Variants in AFF3 observed in about 807,000 individuals in gnomAD.
AFF3 encodes the protein AF4/FMR2 family member 3.
In AFF3, 32 loss-of-function variants were observed where a neutral mutation model predicts 129.7. That is an observed-to-expected ratio of 0.25 (90% CI 0.19 to 0.33). AFF3 has a LOEUF of 0.33. Ranked by LOEUF, AFF3 falls within the 10% of genes least tolerant of loss-of-function variation. AFF3 has a pLI of 1.00. For synonymous variants in AFF3, 644 were observed against 635.4 expected, an observed-to-expected ratio of 1.01 and a Z score of -0.20; for missense variants, 1,373 against 1,592.0, an observed-to-expected ratio of 0.86 and a Z score of 2.34.
chr2:99,714,614 A>T (rs1296439231), intron 11 of AFF3, among the ~76,000 whole-genome samples: 2 of 152,230 alleles, frequency 1.3e-5, no homozygotes, highest in African/African-American at 2.4e-5. Flanking sequence ...GAGCCAAAAT[A>T]AGTATCAGGA....
intron 12 of AFF3, among the ~76,000 whole-genome samples, chr2:99,669,790 T>C (rs1156295439): frequency 1.3e-5 from 2 of 152,200 alleles, no homozygotes; most frequent in Non-Finnish European, 2.9e-5. Context: ...GCCAACATGG[T>C]GAAACCCCGT....
intron 7 of AFF3, among the ~76,000 whole-genome samples, chr2:99,913,063 A>T (rs757125015): frequency 3.7e-4 from 57 of 152,230 alleles, no homozygotes; most frequent in African/African-American, 1.3e-3. Context: ...CCACTGTGAC[A>T]AAACCAATTC....
chr2:99,911,390 GA>G (rs34700536), intron 7 of AFF3, among the ~76,000 whole-genome samples: 577 of 128,140 alleles, frequency 4.5e-3, no homozygotes, highest in Non-Finnish European at 5.5e-3. Context: ...TTCATCTCTG[GA>G]AAAAAAAAAA....
chr2:99,920,786 G>GA (rs888110704), intron 7 of AFF3, among the ~76,000 whole-genome samples: 7 of 151,816 alleles, frequency 4.6e-5, no homozygotes, highest in Admixed American at 3.9e-4. Context: ...TAAAAAATCT[G>GA]AAAAAATCTA....
chr2:99,867,815 A>G (rs1691542659), intron 7 of AFF3, among the ~76,000 whole-genome samples: 3 of 152,030 alleles, frequency 2.0e-5, no homozygotes, highest in African/African-American at 7.2e-5. Context: ...AGCCAGGATA[A>G]CCTCTCTGGC....
intron 4 of AFF3, among the ~76,000 whole-genome samples, chr2:100,086,585 G>GT (rs1166265443): frequency 6.6e-6 from 1 of 152,182 alleles, no homozygotes; most frequent in African/African-American, 2.4e-5. Flanking sequence ...TGAGAAGAAC[G>GT]TATCATGGAT....
intron 7 of AFF3, among the ~76,000 whole-genome samples, chr2:99,892,876 A>G (rs1372608572): frequency 6.6e-6 from 1 of 152,178 alleles, no homozygotes; most frequent in Non-Finnish European, 1.5e-5. Context: ...ATTGTGGAGA[A>G]TAATTCTAAG....
intron 11 of AFF3, among the ~76,000 whole-genome samples, chr2:99,705,880 A>G (rs1677316928): frequency 6.6e-6 from 1 of 150,630 alleles, no homozygotes; most frequent in African/African-American, 2.4e-5. Context: ...GCCTCAAAAA[A>G]AAAAAAAAAA....
intron 8 of AFF3, among the ~76,000 whole-genome samples, chr2:99,777,153 A>G (rs2105355889): frequency 6.6e-6 from 1 of 152,320 alleles, no homozygotes; most frequent in South Asian, 2.1e-4. Context: ...GTGCCACACA[A>G]AGCAGGCAGG....
At chr2:99,990,371 G>A (rs1680233159) in intron 7 of AFF3, among the ~76,000 whole-genome samples, 1 of 152,142 alleles carries the variant, frequency 6.6e-6, no homozygotes, top group Admixed American at 6.5e-5. Flanking sequence ...ACAACAATGT[G>A]AACAGAGTGA....
At chr2:99,864,566 G>C (rs1380169971) in intron 7 of AFF3, among the ~76,000 whole-genome samples, 1 of 152,182 alleles carries the variant, frequency 6.6e-6, no homozygotes, top group Non-Finnish European at 1.5e-5. Context: ...AAGGCCTCAT[G>C]ACCAGCCATT....
chr2:99,773,466 G>A (rs958767533), intron 8 of AFF3, among the ~76,000 whole-genome samples: 4 of 151,630 alleles, frequency 2.6e-5, no homozygotes, highest in African/African-American at 9.7e-5. Context: ...AATGCTTGGA[G>A]TGCTCAAACG....
At chr2:99,816,968 T>C (rs779385255) in intron 8 of AFF3, among the ~76,000 whole-genome samples, 8 of 152,192 alleles carry the variant, frequency 5.3e-5, no homozygotes, top group Non-Finnish European at 1.0e-4. Flanking sequence ...TGACAGGGAA[T>C]ATGATTCTGA....
chr2:99,920,044 A>G (rs77902574), intron 7 of AFF3, among the ~76,000 whole-genome samples: 38 of 152,240 alleles, frequency 2.5e-4, no homozygotes, highest in Admixed American at 2.1e-3. Flanking sequence ...AAATAACTCT[A>G]TATCTGTTTA....
At chr2:100,074,589 T>A (rs922465677) in intron 4 of AFF3, among the ~76,000 whole-genome samples, 3 of 152,206 alleles carry the variant, frequency 2.0e-5, no homozygotes, top group African/African-American at 7.2e-5. Context: ...GGTCAACATA[T>A]CCCAGCACTG....
At chr2:99,921,943 A>G (rs931080238) in intron 7 of AFF3, among the ~76,000 whole-genome samples, 20 of 152,204 alleles carry the variant, frequency 1.3e-4, no homozygotes, top group African/African-American at 4.8e-4. Flanking sequence ...CACATGGCCA[A>G]TAAGCACATG....
chr2:99,993,656 T>TA (rs752354317), intron 7 of AFF3, among the ~76,000 whole-genome samples: 1 of 151,718 alleles, frequency 6.6e-6, no homozygotes, highest in Non-Finnish European at 1.5e-5. Flanking sequence ...TGAATGTAGC[T>TA]AAAAATACAG....
intron 4 of AFF3, among the ~76,000 whole-genome samples, chr2:100,029,239 G>A (rs1196454585): frequency 2.6e-5 from 4 of 152,154 alleles, no homozygotes; most frequent in African/African-American, 9.7e-5. Context: ...TCATTAGGGT[G>A]GGCCCTAACC....
chr2:100,098,800 A>G (rs553530830), intron 4 of AFF3, among the ~76,000 whole-genome samples: 2 of 103,634 alleles, frequency 1.9e-5, no homozygotes, highest in East Asian at 4.6e-4. Context: ...GGCGCCCTGA[A>G]CTAACCAGTC....
Sources: allele counts gnomAD v4.1 joint callset (sites outside exome capture counted in the v4.1 genomes callset), GRCh38; gene constraint gnomAD v4.1.1; transcripts MANE v1.5; gene names NCBI Gene and HGNC (gene_info 2026-07-23, HGNC 2026-07-21).